Variants in DCC observed in about 807,000 individuals in gnomAD.
The protein encoded by DCC is DCC netrin 1 receptor.
Under a neutral mutation model 172.5 loss-of-function variants are expected in DCC, and 58 were observed. That is an observed-to-expected ratio of 0.34 (90% CI 0.27 to 0.42). DCC has a LOEUF of 0.42. DCC is among the 10% of genes least tolerant of loss of function. The pLI is 1.00. For synonymous variants in DCC, 709 were observed against 644.5 expected (o/e 1.10, Z -1.52); for missense variants, 1,740 against 1,791.0 (o/e 0.97, Z 0.51).
At chr18:53,381,566 C>T (rs1210983142) in intron 15 of DCC, among the ~76,000 whole-genome samples, 5 of 94,492 alleles carry the variant, frequency 5.3e-5, no homozygotes, top group Admixed American at 1.4e-4. Flanking sequence ...CCCCACCCCC[C>T]CCCCACCACC....
intron 5 of DCC, among the ~76,000 whole-genome samples, chr18:52,989,170 G>A (rs1042674760): frequency 2.0e-5 from 3 of 151,944 alleles, no homozygotes; most frequent in Non-Finnish European, 4.4e-5. Flanking sequence ...TCAGATTATA[G>A]TTTTTTAATC....
At chr18:52,910,362 A>T (rs75666527) in intron 3 of DCC, among the ~76,000 whole-genome samples, 4,554 of 152,200 alleles carry the variant, frequency 0.03, 104 homozygotes, top group Middle Eastern at 0.071. Flanking sequence ...CCAGATTAAG[A>T]TAATTATTTG....
At chr18:53,036,035 A>C (rs2042087959) in intron 5 of DCC, among the ~76,000 whole-genome samples, 1 of 152,074 alleles carries the variant, frequency 6.6e-6, no homozygotes, top group South Asian at 2.1e-4. Context: ...GAGGGAATAC[A>C]CATTTCGAGG....
intron 3 of DCC, among the ~76,000 whole-genome samples, chr18:52,917,503 C>T (rs9959055): frequency 0.39 from 59,573 of 151,970 alleles, 12,285 homozygotes; most frequent in Non-Finnish European, 0.47. Flanking sequence ...CTGTCTGCAT[C>T]GTTATTCTTT....
chr18:52,572,125 G>A (rs1429299148), intron 1 of DCC, among the ~76,000 whole-genome samples: 1 of 152,206 alleles, frequency 6.6e-6, no homozygotes, highest in East Asian at 1.9e-4. Context: ...CATATTATGT[G>A]TGTCCTGTGG....
intron 22 of DCC, among the ~76,000 whole-genome samples, chr18:53,445,634 TG>T (rs1346460208): frequency 5.3e-5 from 8 of 152,196 alleles, no homozygotes; most frequent in African/African-American, 1.9e-4. Context: ...AAAACATTTT[TG>T]ACAGTCTATA....
intron 1 of DCC, among the ~76,000 whole-genome samples, chr18:52,729,822 C>G (rs78630486): frequency 0.038 from 5,554 of 147,732 alleles, 135 homozygotes; most frequent in Admixed American, 0.053. Flanking sequence ...AAGGGTAGAA[C>G]CACAGAACAC....
In DCC at chr18:52,980,653, A is replaced by G. The variant is rs911808927; in HGVS notation, c.985+55283A>G. On this transcript the variant is annotated intron_variant, in intron 5 of 28. Transcript: ENST00000442544. ...CATTTTCATAGCAAAAAATTTTATA[A>G]CATAAAATAAGTACTAAATATTATG... Among the ~76,000 whole-genome samples the G allele has an allele frequency of 4.6e-5, 7 of 152,194 alleles. No homozygotes were observed. In the South Asian group the frequency reaches 6.2e-4, roughly 13 times the overall value.
rs571258944 is a variant in DCC at position 52,735,180 on chromosome 18, A to G, written c.92-16874A>G. The stretch of plus-strand genomic sequence containing the variant: ...GGTCTTCTGATTTGTTGCTGGAAGA[A>G]CAGAGAAACTGTCTTCATGGAGACC... On this transcript the variant is annotated intron_variant, in intron 1 of 28. Transcript: ENST00000442544. Among the ~76,000 whole-genome samples, 111 of 152,240 alleles carry G rather than the reference A, an allele frequency of 7.3e-4. 1 individual carries two copies. Among genetic ancestry groups the G allele is most frequent in the South Asian group, 2.5e-3 (12 of 4,824 alleles).
chr18:53,522,477 A>C (rs925394609), intron 27 of DCC, among the ~76,000 whole-genome samples: 1 of 152,126 alleles, frequency 6.6e-6, no homozygotes, highest in Non-Finnish European at 1.5e-5. Flanking sequence ...CCTAAGCAAA[A>C]AGAACAAAGC....
intron 2 of DCC, among the ~76,000 whole-genome samples, chr18:52,891,001 C>G (rs753532050): frequency 3.3e-5 from 5 of 152,050 alleles, no homozygotes; most frequent in East Asian, 1.9e-4. Context: ...AACCAGAGTT[C>G]TATCTACAAA....
intron 1 of DCC, among the ~76,000 whole-genome samples, chr18:52,434,341 A>T (rs1457941199): frequency 6.6e-6 from 1 of 152,156 alleles, no homozygotes; most frequent in Non-Finnish European, 1.5e-5. Context: ...CATGCTACTA[A>T]ACATCTTACA....
At chr18:52,953,672 C>T (rs142046968) in intron 5 of DCC, among the ~76,000 whole-genome samples, 4 of 152,250 alleles carry the variant, frequency 2.6e-5, no homozygotes, top group Non-Finnish European at 4.4e-5. Context: ...TCCTGCCAGG[C>T]GGTTATATTT....
chr18:52,890,729 G>C (rs991683873), intron 2 of DCC, among the ~76,000 whole-genome samples: 2 of 152,022 alleles, frequency 1.3e-5, no homozygotes, highest in African/African-American at 4.8e-5. Flanking sequence ...ATATCGATAT[G>C]TGTCTCAAAT....
intron 26 of DCC, among the ~76,000 whole-genome samples, chr18:53,493,872 T>TTGAATTTG (rs1361983043): frequency 6.6e-6 from 1 of 152,212 alleles, no homozygotes; most frequent in East Asian, 1.9e-4. Flanking sequence ...CTGCTAGCTT[T>TTGAATTTG]TGAATTTGTT....
rs181290598 is a variant in DCC at position 53,286,528 on chromosome 18, A to G, written c.1912-19050A>G. On this transcript the variant is annotated intron_variant, in intron 12 of 28. Transcript: ENST00000442544. The stretch of plus-strand genomic sequence containing the variant: ...TTGTAAATTGCCCAGTCTCAAGTAT[A>G]TCTTTACCAGCAGCATGAAAACAGA... 6.2e-3 allele frequency among the ~76,000 whole-genome samples: 942 copies of G among 152,266 alleles called. 7 individuals carry two copies. The highest frequency in any genetic ancestry group is 0.024 in the South Asian group (114 of 4,820).
intron 1 of DCC, among the ~76,000 whole-genome samples, chr18:52,494,914 T>C (rs1018865607): frequency 2.0e-5 from 3 of 152,152 alleles, no homozygotes; most frequent in Non-Finnish European, 4.4e-5. Flanking sequence ...AAAATTTAGA[T>C]TATTGAGCAT....
chr18:52,350,029 A>G (rs1268574374), intron 1 of DCC, among the ~76,000 whole-genome samples: 1 of 152,230 alleles, frequency 6.6e-6, no homozygotes, highest in Non-Finnish European at 1.5e-5. Flanking sequence ...AACTTGTGTT[A>G]TCAGTTTTCA....
At chr18:53,294,864 C>G (rs772940596) in intron 12 of DCC, among the ~76,000 whole-genome samples, 2 of 152,120 alleles carry the variant, frequency 1.3e-5, no homozygotes, top group African/African-American at 4.8e-5. Context: ...GGCACTTTTA[C>G]GAGAACCAGG....
Sources: gnomAD v4.1 joint callset for allele counts (sites outside exome capture counted in the v4.1 genomes callset) on GRCh38, gnomAD v4.1.1 for gene constraint, MANE v1.5 for transcripts, NCBI Gene and HGNC (gene_info 2026-07-23, HGNC 2026-07-21) for gene names.